The following LRRTM4 variants were observed in gnomAD, a reference collection of about 807,000 sequenced individuals.
LRRTM4 encodes leucine rich repeat transmembrane neuronal 4, also known as leucine-rich repeat transmembrane neuronal protein 4.
Under a neutral mutation model 47.6 loss-of-function variants are expected in LRRTM4, and 25 were observed. The observed-to-expected ratio is 0.53, with a 90% CI of 0.38 to 0.73. The LOEUF is 0.73. Among genes scored for constraint, LRRTM4 ranks in the 30% least tolerant of loss-of-function variants. LRRTM4 has a pLI of 0.00. For synonymous variants in LRRTM4, 311 were observed against 269.5 expected (o/e 1.15, Z -1.51); for missense variants, 638 against 713.4 (o/e 0.89, Z 1.20).
chr2:77,278,547 A>G (rs138376272), intron 3 of LRRTM4, among the ~76,000 whole-genome samples: 1,666 of 152,048 alleles, frequency 0.011, 34 homozygotes, highest in African/African-American at 0.038. Context: ...TGAAAAAAAA[A>G]ATTCCCAAAA....
intron 3 of LRRTM4, among the ~76,000 whole-genome samples, chr2:77,206,381 G>A (rs1475544464): frequency 6.6e-6 from 1 of 151,742 alleles, no homozygotes. Flanking sequence ...GTTTCACCAT[G>A]TTGGCGAGGC....
chr2:76,944,047 T>A (rs1046472941), intron 3 of LRRTM4, among the ~76,000 whole-genome samples: 1 of 152,174 alleles, frequency 6.6e-6, no homozygotes, highest in African/African-American at 2.4e-5. Context: ...CAAAAACATA[T>A]GATCGCCCTA....
chr2:77,181,086 G>A (rs1673334995), intron 3 of LRRTM4, among the ~76,000 whole-genome samples: 1 of 152,098 alleles, frequency 6.6e-6, no homozygotes, highest in Admixed American at 6.6e-5. Flanking sequence ...ATATAATAAT[G>A]AGTAGAAATT....
At chr2:76,877,366 A>G (rs982433198) in intron 3 of LRRTM4, among the ~76,000 whole-genome samples, 3 of 146,594 alleles carry the variant, frequency 2.0e-5, no homozygotes, top group Non-Finnish European at 4.5e-5. Flanking sequence ...TTTGGTAGCA[A>G]AATTTCTGAG....
chr2:77,041,503 G>T (rs1679032952), intron 3 of LRRTM4, among the ~76,000 whole-genome samples: 1 of 151,334 alleles, frequency 6.6e-6, no homozygotes, highest in African/African-American at 2.4e-5. Flanking sequence ...TTTCCATAGT[G>T]GCTGTACTAA....
chr2:77,389,899 G>A (rs1168317690), intron 3 of LRRTM4, among the ~76,000 whole-genome samples: 1 of 151,998 alleles, frequency 6.6e-6, no homozygotes, highest in East Asian at 1.9e-4. Flanking sequence ...GAGCATTTAT[G>A]GAAATTGTAC....
intron 3 of LRRTM4, among the ~76,000 whole-genome samples, chr2:76,898,594 G>A (rs887391826): frequency 2.0e-5 from 3 of 150,026 alleles, no homozygotes; most frequent in African/African-American, 2.4e-5. Context: ...TACAGTAATG[G>A]GTGGTAATGC....
intron 3 of LRRTM4, among the ~76,000 whole-genome samples, chr2:76,859,505 G>A (rs376700201): frequency 6.6e-6 from 1 of 152,086 alleles, no homozygotes; most frequent in African/African-American, 2.4e-5. Flanking sequence ...AAAAAGCCAA[G>A]AGCTGGTTAA....
chr2:77,059,070 G>A (rs1315667227), intron 3 of LRRTM4, among the ~76,000 whole-genome samples: 1 of 151,818 alleles, frequency 6.6e-6, no homozygotes, highest in Non-Finnish European at 1.5e-5. Context: ...TTCTTCCTTC[G>A]CTAAACTTTG....
chr2:76,793,540 G>A (rs576259046), intron 3 of LRRTM4, among the ~76,000 whole-genome samples: 8 of 151,968 alleles, frequency 5.3e-5, no homozygotes, highest in African/African-American at 1.9e-4. Context: ...GAGCTACATT[G>A]TATTTTTATA....
intron 3 of LRRTM4, among the ~76,000 whole-genome samples, chr2:76,799,022 A>C (rs1223418851): frequency 6.6e-6 from 1 of 150,442 alleles, no homozygotes; most frequent in Non-Finnish European, 1.5e-5. Flanking sequence ...TACCAGAGGT[A>C]TAAGGAGGAG....
chr2:77,439,241 T>C (rs1023237353), intron 3 of LRRTM4, among the ~76,000 whole-genome samples: 6 of 152,208 alleles, frequency 3.9e-5, no homozygotes, highest in Admixed American at 3.3e-4. Flanking sequence ...GTACAGCTCT[T>C]AGAAGTCCTA....
intron 3 of LRRTM4, among the ~76,000 whole-genome samples, chr2:77,498,205 G>A (rs1400791842): frequency 6.6e-6 from 1 of 151,812 alleles, no homozygotes; most frequent in Non-Finnish European, 1.5e-5. Flanking sequence ...TCAATTGGAA[G>A]AAATCTTTCA....
chr2:77,114,140 C>T (rs115670874), intron 3 of LRRTM4, among the ~76,000 whole-genome samples: 3,455 of 152,122 alleles, frequency 0.023, 67 homozygotes, highest in Admixed American at 0.056. Flanking sequence ...ACTGTAGTAA[C>T]TGCAGGGGGT....
At chr2:76,961,572 A>G (rs1345476062) in intron 3 of LRRTM4, among the ~76,000 whole-genome samples, 1 of 151,386 alleles carries the variant, frequency 6.6e-6, no homozygotes, top group Non-Finnish European at 1.5e-5. Flanking sequence ...CAACCTAAGC[A>G]CTTAAACAGA....
At chr2:77,056,178 C>G (rs1480260544) in intron 3 of LRRTM4, among the ~76,000 whole-genome samples, 6 of 116,870 alleles carry the variant, frequency 5.1e-5, no homozygotes, top group Admixed American at 2.7e-4. Context: ...TACCCTAAAA[C>G]TTAAAGTATA....
intron 3 of LRRTM4, among the ~76,000 whole-genome samples, chr2:77,252,528 A>G (rs181994022): frequency 3.9e-4 from 52 of 132,382 alleles, no homozygotes; most frequent in African/African-American, 1.4e-3. Context: ...AGGGCCTCTG[A>G]ATCAGAAAAG....
intron 3 of LRRTM4, among the ~76,000 whole-genome samples, chr2:76,923,126 G>C (rs1396152581): frequency 1.3e-5 from 2 of 151,976 alleles, no homozygotes; most frequent in Non-Finnish European, 2.9e-5. Context: ...TTAAACTTCT[G>C]TCAATGTCTT....
rs1284933533 is a variant in LRRTM4, at chr2:76,969,686, T to G, written c.1552-220770A>C. Among the ~76,000 whole-genome samples the G allele has an allele frequency of 5.3e-5, 8 of 151,968 alleles. No individual in the cohort carries two copies. In the East Asian group the frequency reaches 1.6e-3, roughly 30 times the overall value. On this transcript the variant is annotated intron_variant, in intron 3 of 3. Transcript: ENST00000409884. The stretch of plus-strand genomic sequence containing the variant: ...TACCAGTAATTACAATGATGGTGAT[T>G]ATGATGACGATGATTAAGATACTGG...
Sources: gnomAD v4.1 joint callset for allele counts (sites outside exome capture counted in the v4.1 genomes callset) on GRCh38, gnomAD v4.1.1 for gene constraint, MANE v1.5 for transcripts, NCBI Gene and HGNC (gene_info 2026-07-23, HGNC 2026-07-21) for gene names.